PTPN12: variants seen among roughly 807,000 people sequenced by gnomAD.
PTPN12 encodes the protein protein tyrosine phosphatase non-receptor type 12, also known as tyrosine-protein phosphatase non-receptor type 12.
PTPN12 carries 29 observed loss-of-function variants against 97.6 expected under a neutral mutation model. That is an observed-to-expected ratio of 0.30 (90% CI 0.22 to 0.41). The LOEUF (loss-of-function observed/expected upper bound fraction) is 0.41, where lower values mean the gene tolerates loss of function less well. Among genes scored for constraint, PTPN12 ranks in the 10% least tolerant of loss-of-function variants. The pLI, the probability that PTPN12 is intolerant of heterozygous loss-of-function variation, is 1.00. For missense variants in PTPN12, 819 were observed against 926.0 expected (o/e 0.88, Z 1.50); for synonymous variants, 327 against 300.4 (o/e 1.09, Z -0.91).
chr7:77,621,866 T>A (rs1178708882), intron 12 of PTPN12, among the ~76,000 whole-genome samples: 2 of 152,228 alleles, frequency 1.3e-5, no homozygotes, highest in African/African-American at 2.4e-5. Flanking sequence ...ATTATAACTT[T>A]GTGGGGCCAC....
intron 1 of PTPN12, among the ~76,000 whole-genome samples, chr7:77,555,859 G>C (rs921849179): frequency 4.7e-5 from 7 of 149,858 alleles, no homozygotes; most frequent in African/African-American, 1.7e-4. Flanking sequence ...AGCTTGCAGT[G>C]AGCCGAGATC....
chr7:77,544,532 A>T (rs1807128835), intron 1 of PTPN12, among the ~76,000 whole-genome samples: 1 of 152,244 alleles, frequency 6.6e-6, no homozygotes, highest in Admixed American at 6.5e-5. Flanking sequence ...AAAATATATT[A>T]ACTTTTTTCC....
intron 1 of PTPN12, among the ~76,000 whole-genome samples, chr7:77,557,489 G>A (rs774308583): frequency 6.6e-6 from 1 of 152,046 alleles, no homozygotes; most frequent in Non-Finnish European, 1.5e-5. Context: ...TTTTCAGTTT[G>A]TTTAGCTTTT....
chr7:77,554,364 T>C (rs1807608102), intron 1 of PTPN12, among the ~76,000 whole-genome samples: 1 of 152,224 alleles, frequency 6.6e-6, no homozygotes, highest in Non-Finnish European at 1.5e-5. Flanking sequence ...ACTTTATGGA[T>C]GGTGAGATTA....
chr7:77,603,560 A>T (rs1037648893), intron 8 of PTPN12, among the ~76,000 whole-genome samples: 5 of 152,134 alleles, frequency 3.3e-5, no homozygotes, highest in African/African-American at 7.2e-5. Context: ...ATCTCGGCTC[A>T]CTGCAACCTC....
intron 8 of PTPN12, among the ~76,000 whole-genome samples, chr7:77,602,983 A>G (rs932860038): frequency 1.3e-5 from 2 of 152,192 alleles, no homozygotes; most frequent in Non-Finnish European, 2.9e-5. Context: ...TAGTTTTCTT[A>G]TTCACTTGGT....
intron 1 of PTPN12, among the ~76,000 whole-genome samples, chr7:77,566,801 A>G (rs1184992114): frequency 6.6e-6 from 1 of 152,158 alleles, no homozygotes; most frequent in Non-Finnish European, 1.5e-5. Flanking sequence ...TTTTTTTAAA[A>G]AGTCACACGA....
At chr7:77,573,015 G>A (rs1024023386) in intron 2 of PTPN12, among the ~76,000 whole-genome samples, 1 of 146,484 alleles carries the variant, frequency 6.8e-6, no homozygotes, top group Non-Finnish European at 1.5e-5. Flanking sequence ...CCCAGGAGGT[G>A]GAGGTTGCCA....
chr7:77,632,297 TTTG>T, intron 13 of PTPN12, 48 bp from the exon 14 acceptor site: 2 of 1,308,534 alleles, frequency 1.5e-6, no homozygotes, highest in Non-Finnish European at 2.2e-6. Context: ...GCTCTCTGAT[TTTG>T]TTTAGATGAC....
intron 7 of PTPN12, 89 bp downstream of exon 7, chr7:77,597,990 G>A: frequency 6.6e-7 from 1 of 1,504,634 alleles, no homozygotes; most frequent in Non-Finnish European, 8.9e-7. Flanking sequence ...CACTTTGGGA[G>A]GCTGAAGTGG....
intron 11 of PTPN12, among the ~76,000 whole-genome samples, chr7:77,611,625 A>G (rs1788572281): frequency 6.6e-6 from 1 of 152,080 alleles, no homozygotes; most frequent in Admixed American, 6.6e-5. Flanking sequence ...TTGTATTTTT[A>G]GTAGAGACGG....
At chr7:77,625,818 C>T (rs1378075288) in intron 12 of PTPN12, among the ~76,000 whole-genome samples, 1 of 151,866 alleles carries the variant, frequency 6.6e-6, no homozygotes, top group African/African-American at 2.4e-5. Flanking sequence ...GATCCACCCA[C>T]CTTGGCCTCC....
intron 5 of PTPN12, among the ~76,000 whole-genome samples, chr7:77,588,965 C>T (rs1178223186): frequency 1.3e-5 from 2 of 152,002 alleles, no homozygotes; most frequent in South Asian, 2.1e-4. Flanking sequence ...CTCCATCTCC[C>T]GGGTTCAGGT....
intron 12 of PTPN12, among the ~76,000 whole-genome samples, chr7:77,621,062 A>G (rs1448531895): frequency 6.6e-6 from 1 of 151,704 alleles, no homozygotes; most frequent in Admixed American, 6.6e-5. Flanking sequence ...ATATATATAT[A>G]TATATATAAA....
chr7:77,558,966 A>G (rs928411598), intron 1 of PTPN12, among the ~76,000 whole-genome samples: 3 of 152,228 alleles, frequency 2.0e-5, no homozygotes, highest in African/African-American at 4.8e-5. Flanking sequence ...GTGAGCCTTA[A>G]TCATGCCACT....
chr7:77,600,815 G>T lies in PTPN12; in HGVS notation c.695+9G>T, dbSNP rs771095659. The T allele has an allele frequency of 1.9e-6, 3 of 1,574,598 alleles. No individual in the cohort carries two copies. Among genetic ancestry groups the T allele is most frequent in the East Asian group, 4.5e-5 (2 of 44,560 alleles). On this transcript the variant is annotated intron_variant, in intron 8 of 17. Coordinates refer to ENST00000248594, the MANE Select transcript of PTPN12 (RefSeq NM_002835.4). Reference sequence around the variant, plus strand: ...ATTTGTATTCATTGCAGGTACAAAAGAATTTCCCAAGTTTATAAATACATT... The same window carrying T: ...ATTTGTATTCATTGCAGGTACAAAATAATTTCCCAAGTTTATAAATACATT...
intron 1 of PTPN12, among the ~76,000 whole-genome samples, chr7:77,545,211 G>C (rs1376526983): frequency 6.6e-6 from 1 of 152,134 alleles, no homozygotes; most frequent in Non-Finnish European, 1.5e-5. Flanking sequence ...TAGTGAATTT[G>C]TGGGTATTTA....
chr7:77,599,113 CCTAAATTTG>C (rs1788112593), intron 7 of PTPN12, among the ~76,000 whole-genome samples: 1 of 151,350 alleles, frequency 6.6e-6, no homozygotes, highest in Non-Finnish European at 1.5e-5. Context: ...TATAACATAC[CCTAAATTTG>C]TTAAATTTGG....
chr7:77,581,412 ATT>A lies in PTPN12; in HGVS notation c.209-9_209-8del. ...TGTGTCAACCATACATATTTTATGA[ATT>A]TTTTTCTCGTAGTTGATCACAGCCG... On this transcript the variant is annotated splice_polypyrimidine_tract_variant and intron_variant, in intron 2 of 17. Transcript: ENST00000248594. 1.1e-5 allele frequency: 17 copies of A among 1,580,532 alleles called. No individual in the cohort carries two copies. Among genetic ancestry groups the A allele is most frequent in the Non-Finnish European group, 1.4e-5 (16 of 1,153,596 alleles).
Sources: allele counts gnomAD v4.1 joint callset (sites outside exome capture counted in the v4.1 genomes callset), GRCh38; gene constraint gnomAD v4.1.1; transcripts MANE v1.5; gene names NCBI Gene and HGNC (gene_info 2026-07-23, HGNC 2026-07-21).